Variants in DCAF17 observed in about 807,000 individuals in gnomAD.
DCAF17 encodes DDB1 and CUL4 associated factor 17, also known as DDB1- and CUL4-associated factor 17.
In DCAF17, 48 loss-of-function variants were observed where a neutral mutation model predicts 66.0. That is an observed-to-expected ratio of 0.73 (90% CI 0.58 to 0.92). The LOEUF is 0.92. DCAF17 is among the 40% of genes least tolerant of loss of function. DCAF17 has a pLI of 0.00. For synonymous variants in DCAF17, 206 were observed against 214.6 expected (o/e 0.96, Z 0.35); for missense variants, 562 against 622.8 (o/e 0.90, Z 1.04).
chr2:171,478,076 G>A lies in DCAF17; in HGVS notation c.1266+6G>A, dbSNP rs557741620. On this transcript the variant is annotated splice_donor_region_variant and intron_variant, in intron 12 of 13. Coordinates refer to ENST00000375255, the MANE Select transcript of DCAF17 (RefSeq NM_025000.4). Reference sequence around the variant, plus strand: ...ATGATGACCCAGAACAAGAGGTATTGCTTTGGCCAGAGATGACAAACCAAA... The same window carrying A: ...ATGATGACCCAGAACAAGAGGTATTACTTTGGCCAGAGATGACAAACCAAA... The A allele has an allele frequency of 1.5e-4, 246 of 1,611,918 alleles. 2 individuals carry two copies. The highest frequency in any genetic ancestry group is 1.2e-3 in the Middle Eastern group (7 of 6,076).
Position 171,434,445 on chromosome 2 carries a change from G to A in DCAF17, c.-133G>A. 1 of 1,467,300 alleles carries A rather than the reference G, an allele frequency of 6.8e-7. No homozygotes were observed. Among genetic ancestry groups the A allele is most frequent in the South Asian group, 1.2e-5 (1 of 81,974 alleles). The allele number at this position is 1,467,300 out of a possible 1,614,324, so 90.9% of individuals were successfully genotyped here. A position where few individuals can be genotyped will look rare whatever the true frequency, so the allele number is the denominator to read the frequency against. The stretch of plus-strand genomic sequence containing the variant: ...TCGGGTGCTCCCTGCCCGCCTCCCC[G>A]TGTCAGCTTTCCCTGGGCCCCGCCG... On this transcript the variant is annotated 5_prime_UTR_variant, in exon 1 of 14. The change creates a new upstream start codon in the 5' untranslated region. Transcript: ENST00000375255.
rs974977433 is a variant in DCAF17 at position 171,483,927 on chromosome 2, T to C, written c.*2813T>C. On this transcript the variant is annotated 3_prime_UTR_variant, in exon 14 of 14. Coordinates refer to ENST00000375255, the MANE Select transcript of DCAF17 (RefSeq NM_025000.4). The stretch of plus-strand genomic sequence containing the variant: ...TCCAAAGTTCTCAAAAGGCAAGGCA[T>C]GTTATTTTATCCCAATTTAGCATAC... 1 of 453,978 alleles carries C rather than the reference T, an allele frequency of 2.2e-6. No homozygotes were observed. Among genetic ancestry groups the C allele is most frequent in the African/African-American group, 2.0e-5 (1 of 49,998 alleles). The allele number at this position is 453,978 out of a possible 1,614,324, so 28.1% of individuals were successfully genotyped here.
intron 8 of DCAF17, among the ~76,000 whole-genome samples, chr2:171,460,594 G>A (rs1172816723): frequency 6.6e-6 from 1 of 151,796 alleles, no homozygotes; most frequent in Non-Finnish European, 1.5e-5. Context: ...GCAGTGGAGA[G>A]ATCACAGCTC....
intron 9 of DCAF17, among the ~76,000 whole-genome samples, chr2:171,472,128 A>G (rs1696275498): frequency 6.6e-6 from 1 of 151,750 alleles, no homozygotes; most frequent in Non-Finnish European, 1.5e-5. Context: ...TTTACCTCCT[A>G]CTCATGTTTA....
chr2:171,466,592 T>G (rs570156060), intron 8 of DCAF17, among the ~76,000 whole-genome samples: 48 of 151,954 alleles, frequency 3.2e-4, no homozygotes, highest in African/African-American at 1.0e-3. Flanking sequence ...TCATTGAGAA[T>G]ATTAGAGATC....
At chr2:171,467,330 T>C (rs1695962532) in intron 8 of DCAF17, among the ~76,000 whole-genome samples, 2 of 151,948 alleles carry the variant, frequency 1.3e-5, no homozygotes, top group South Asian at 4.1e-4. Flanking sequence ...TATGTGTTAA[T>C]TGACTATTTA....
chr2:171,467,595 G>A (rs181208680), intron 8 of DCAF17, among the ~76,000 whole-genome samples: 1 of 151,928 alleles, frequency 6.6e-6, no homozygotes, highest in African/African-American at 2.4e-5. Context: ...TTAGGAGGTT[G>A]TAATACTTAG....
intron 13 of DCAF17, 152 bp from the exon 14 acceptor site, chr2:171,480,822 C>T: frequency 1.1e-6 from 1 of 945,582 alleles, no homozygotes; most frequent in South Asian, 1.5e-5. Context: ...TCTGCATATC[C>T]ACAAATAATG....
chr2:171,441,016 G>A (rs1252644267), intron 2 of DCAF17, among the ~76,000 whole-genome samples: 1 of 152,160 alleles, frequency 6.6e-6, no homozygotes, highest in Non-Finnish European at 1.5e-5. Context: ...CCCCAAGAGG[G>A]CTCTGTCCTG....
rs537189202 is a variant in DCAF17, at chr2:171,483,979, G to T, written c.*2865G>T. The T allele has an allele frequency of 6.6e-6, 3 of 453,920 alleles. No homozygotes were observed. Among genetic ancestry groups the T allele is most frequent in the African/African-American group, 6.0e-5 (3 of 50,082 alleles). 28.1% of individuals were successfully genotyped at this position (453,920 alleles called of 1,614,324 possible). Reference sequence around the variant, plus strand: ...AACAACTATAATACTAGATATGTAGGAAAGTGCTTAATAATCGTTTTTTAC... The same window carrying T: ...AACAACTATAATACTAGATATGTAGTAAAGTGCTTAATAATCGTTTTTTAC... On this transcript the variant is annotated 3_prime_UTR_variant, in exon 14 of 14. Transcript: ENST00000375255.
intron 6 of DCAF17, among the ~76,000 whole-genome samples, chr2:171,455,338 T>A (rs987964860): frequency 2.0e-5 from 3 of 152,170 alleles, no homozygotes; most frequent in Non-Finnish European, 2.9e-5. Context: ...GACATGATCT[T>A]GTTCTTTTTG....
chr2:171,435,454 T>C (rs189719374), intron 2 of DCAF17, among the ~76,000 whole-genome samples: 28 of 152,264 alleles, frequency 1.8e-4, no homozygotes, highest in Admixed American at 5.2e-4. Context: ...TAGTGTTTAG[T>C]CTACTTATAC....
chr2:171,445,325 A>C (rs145524184), intron 3 of DCAF17, among the ~76,000 whole-genome samples: 1,715 of 152,200 alleles, frequency 0.011, 31 homozygotes, highest in African/African-American at 0.038. Flanking sequence ...GGGTTTCACC[A>C]TGTTGGCCAG....
chr2:171,467,982 A>T (rs546924513), intron 8 of DCAF17, among the ~76,000 whole-genome samples: 74 of 152,274 alleles, frequency 4.9e-4, no homozygotes, highest in African/African-American at 1.7e-3. Context: ...TAAACTAAAA[A>T]TTAAATTCTC....
intron 7 of DCAF17, 88 bp from the exon 8 acceptor site, chr2:171,458,284 C>T: frequency 8.4e-7 from 1 of 1,194,602 alleles, no homozygotes; most frequent in Non-Finnish European, 1.2e-6. Context: ...TTTTCTTTGT[C>T]ATATACATGT....
intron 6 of DCAF17, among the ~76,000 whole-genome samples, chr2:171,456,683 A>G (rs1208593054): frequency 6.6e-6 from 1 of 151,166 alleles, no homozygotes; most frequent in Non-Finnish European, 1.5e-5. Context: ...ATCTCCTTGT[A>G]GAGATCTTTC....
chr2:171,468,141 C>T lies in DCAF17; in HGVS notation c.839-747C>T, dbSNP rs1190594343. Among the ~76,000 whole-genome samples the T allele has an allele frequency of 2.6e-5, 4 of 151,840 alleles. No individual in the cohort carries two copies. In the East Asian group the frequency reaches 5.8e-4, roughly 22 times the overall value. ...CATCTAAGAATAGATCTATTATGCCCTACTTAAAGTTGTGATAAAAGAAGA... is the reference window on the plus strand; with the variant it reads ...CATCTAAGAATAGATCTATTATGCCTTACTTAAAGTTGTGATAAAAGAAGA... On this transcript the variant is annotated intron_variant, in intron 8 of 13. Transcript: ENST00000375255.
At chr2:171,473,591 A>T (rs529221113) in intron 9 of DCAF17, among the ~76,000 whole-genome samples, 38 of 151,760 alleles carry the variant, frequency 2.5e-4, no homozygotes, top group African/African-American at 8.9e-4. Flanking sequence ...GACACAAAGT[A>T]GATGCTTGAG....
rs1559295911 is a variant in DCAF17, at chr2:171,481,416, TGAG to T, written c.*306_*308del. Reference sequence around the variant, plus strand: ...AAAAGGACAGGTTAATTCCAATTGTTGAGGAGTTAAGTCATTGATGGGGTGGGT... The same window carrying T: ...AAAAGGACAGGTTAATTCCAATTGTTGAGTTAAGTCATTGATGGGGTGGGT... On this transcript the variant is annotated 3_prime_UTR_variant, in exon 14 of 14. Coordinates refer to ENST00000375255, the MANE Select transcript of DCAF17 (RefSeq NM_025000.4). The T allele has an allele frequency of 2.1e-6, 1 of 485,880 alleles. No homozygotes were observed. The highest frequency in any genetic ancestry group is 4.0e-6 in the Non-Finnish European group (1 of 248,282). 30.1% of individuals were successfully genotyped at this position (485,880 alleles called of 1,614,324 possible).
Sources: gnomAD v4.1 joint callset for allele counts (sites outside exome capture counted in the v4.1 genomes callset) on GRCh38, gnomAD v4.1.1 for gene constraint, MANE v1.5 for transcripts, NCBI Gene and HGNC (gene_info 2026-07-23, HGNC 2026-07-21) for gene names.